Variants in ESR2 observed in about 807,000 individuals in gnomAD.
ESR2 encodes the protein estrogen receptor beta.
Under a neutral mutation model 49.6 loss-of-function variants are expected in ESR2, and 36 were observed. That is an observed-to-expected ratio of 0.73 (90% CI 0.56 to 0.96). The LOEUF is 0.96. ESR2 is among the 40% of genes least tolerant of loss of function. ESR2 has a pLI of 0.00. For synonymous variants in ESR2, 320 were observed against 266.1 expected (o/e 1.20, Z -1.97); for missense variants, 714 against 693.0 (o/e 1.03, Z -0.34).
chr14:64,242,385 G>A (rs1206403979), intron 7 of ESR2, among the ~76,000 whole-genome samples: 2 of 149,786 alleles, frequency 1.3e-5, no homozygotes, highest in East Asian at 3.9e-4. Flanking sequence ...CTCCAGCCTG[G>A]GCGGAGAGTG....
Position 64,249,623 on chromosome 14 carries a change from G to T in ESR2, c.1148C>A (p.Thr383Asn), listed in dbSNP as rs764274252. Residue 383 changes from threonine (T) to asparagine (N), a missense_variant, in exon 7 of 9, where the codon ACT (threonine) becomes AAT (asparagine). By Grantham distance (65) the Thr-to-Asn change is moderately conservative. Coordinates refer to ENST00000341099, the MANE Select transcript of ESR2 (RefSeq NM_001437.3). ...TTTTAACTCTCGAAACCTTGAAGTA[G>T]TTGCCAGGAGCATGTCAAAGATTTC... ...ILEIFDMLLA[T>N]TSRFRELKLQ... 1 of 1,613,856 alleles carries T rather than the reference G, an allele frequency of 6.2e-7. No homozygotes were observed. Among genetic ancestry groups the T allele is most frequent in the Non-Finnish European group, 8.5e-7 (1 of 1,179,870 alleles).
chr14:64,319,821 C>A (rs1305142643), intron 1 of ESR2, among the ~76,000 whole-genome samples: 1 of 152,164 alleles, frequency 6.6e-6, no homozygotes, highest in Admixed American at 6.5e-5. Context: ...AGCTCTCATT[C>A]ATTGCTGATG....
At chr14:64,261,233 TTTTTTC>T (rs1200457528) in intron 4 of ESR2, among the ~76,000 whole-genome samples, 633 of 24,024 alleles carry the variant, frequency 0.026, 23 homozygotes, top group African/African-American at 0.096. Context: ...TTTATTTTTC[TTTTTTC>T]TTTTTTTTTT....
intron 2 of ESR2, among the ~76,000 whole-genome samples, chr14:64,282,388 A>G (rs1360299211): frequency 1.3e-5 from 2 of 152,170 alleles, no homozygotes; most frequent in African/African-American, 4.8e-5. Context: ...TTACTGTATA[A>G]AGACAATAGT....
At chr14:64,276,888 T>G (rs1158744323) in intron 3 of ESR2, among the ~76,000 whole-genome samples, 1 of 152,218 alleles carries the variant, frequency 6.6e-6, no homozygotes, top group Non-Finnish European at 1.5e-5. Context: ...TTCAAGGAAT[T>G]GGTAAGTGCC....
At chr14:64,259,302 C>A (rs574263997) in intron 5 of ESR2, among the ~76,000 whole-genome samples, 2 of 152,342 alleles carry the variant, frequency 1.3e-5, no homozygotes, top group South Asian at 4.1e-4. Context: ...GGCCTCAGTT[C>A]CCCAGGCTCT....
chr14:64,291,577 G>A (rs2140845944), intron 1 of ESR2, among the ~76,000 whole-genome samples: 1 of 152,236 alleles, frequency 6.6e-6, no homozygotes, highest in Admixed American at 6.5e-5. Flanking sequence ...ACCAATAACA[G>A]GCTCCTAACT....
chr14:64,282,566 C>G, intron 2 of ESR2, 58 bp downstream of exon 2: 3 of 1,504,434 alleles, frequency 2.0e-6, no homozygotes, highest in Non-Finnish European at 2.7e-6. Flanking sequence ...CTCACTCAAC[C>G]ATAAAGTGAT....
At chr14:64,269,483 A>C (rs886510443) in intron 3 of ESR2, among the ~76,000 whole-genome samples, 1 of 152,192 alleles carries the variant, frequency 6.6e-6, no homozygotes, top group Non-Finnish European at 1.5e-5. Flanking sequence ...AGTGTACTAG[A>C]GTGCGCAGAG....
intron 4 of ESR2, among the ~76,000 whole-genome samples, chr14:64,267,650 G>T (rs889358144): frequency 2.0e-5 from 3 of 151,842 alleles, no homozygotes; most frequent in African/African-American, 7.3e-5. Flanking sequence ...GCCAAGGCAG[G>T]CAGATCACGA....
At chr14:64,227,799 AAAACTCT>A (rs2098723009), downstream of ESR2, 2 of 1,553,620 alleles carry the variant, frequency 1.3e-6, no homozygotes, top group Non-Finnish European at 1.7e-6. Flanking sequence ...GTGTATTCCC[AAAACTCT>A]TTTATGAGGT....
At chr14:64,278,164 A>T (rs143955210) in intron 3 of ESR2, among the ~76,000 whole-genome samples, 1 of 152,350 alleles carries the variant, frequency 6.6e-6, no homozygotes, top group Non-Finnish European at 1.5e-5. Context: ...TTGGCCTTAT[A>T]ATCTACTGTT....
At chr14:64,271,433 C>T (rs1246532532) in intron 3 of ESR2, among the ~76,000 whole-genome samples, 1 of 152,252 alleles carries the variant, frequency 6.6e-6, no homozygotes, top group Non-Finnish European at 1.5e-5. Context: ...TCAAGCAATT[C>T]TCCTGCCTCA....
Position 64,260,628 on chromosome 14 carries a change from A to C in ESR2, c.773T>G (p.Leu258Arg). 1.2e-6 allele frequency: 2 copies of C among 1,610,682 alleles called. No individual in the cohort carries two copies. The highest frequency in any genetic ancestry group is 1.3e-5 in the African/African-American group (1 of 74,964). Reference sequence around the variant, plus strand: ...CTCGGGGCTCAGGGCGTCCAGCAGCAGCTCCCGCACTCGGGGCGCGTGGCC... The same window carrying C: ...CTCGGGGCTCAGGGCGTCCAGCAGCCGCTCCCGCACTCGGGGCGCGTGGCC... ...SGGHAPRVRE[L>R]LLDALSPEQL... is the part of the protein sequence containing the mutation. Residue 258 changes from leucine to arginine, a missense_variant, in exon 5 of 9, where the codon CTG (leucine) becomes CGG (arginine). Transcript: ENST00000341099.
chr14:64,309,484 G>A (rs531475400), intron 1 of ESR2, among the ~76,000 whole-genome samples: 100 of 151,664 alleles, frequency 6.6e-4, no homozygotes, highest in Non-Finnish European at 1.0e-3. Flanking sequence ...GGTGGCAGGC[G>A]CCTGTAATCC....
intron 6 of ESR2, among the ~76,000 whole-genome samples, chr14:64,250,578 T>C (rs1226183459): frequency 6.6e-6 from 1 of 152,194 alleles, no homozygotes; most frequent in Non-Finnish European, 1.5e-5. Flanking sequence ...TAGATGATTT[T>C]GTCACAAAAC....
chr14:64,267,659 G>A (rs1414086554), intron 4 of ESR2, among the ~76,000 whole-genome samples: 3 of 151,724 alleles, frequency 2.0e-5, no homozygotes, highest in South Asian at 2.1e-4. Context: ...GGCAGATCAC[G>A]AGGTCAGGAG....
intron 1 of ESR2, among the ~76,000 whole-genome samples, chr14:64,286,755 C>A (rs2076790675): frequency 6.6e-6 from 1 of 152,124 alleles, no homozygotes; most frequent in African/African-American, 2.4e-5. Flanking sequence ...ACTCTGTCAC[C>A]CAGGCTGGAG....
intron 1 of ESR2, among the ~76,000 whole-genome samples, chr14:64,290,702 C>A (rs1479533801): frequency 6.6e-6 from 1 of 152,162 alleles, no homozygotes; most frequent in Non-Finnish European, 1.5e-5. Flanking sequence ...CACACCCAGC[C>A]TTTTTAAATA....
Sources: gnomAD v4.1 joint callset for allele counts (sites outside exome capture counted in the v4.1 genomes callset) on GRCh38, gnomAD v4.1.1 for gene constraint, MANE v1.5 for transcripts, NCBI Gene and HGNC (gene_info 2026-07-23, HGNC 2026-07-21) for gene names.